Variants in SUGCT observed in about 807,000 individuals in gnomAD.
SUGCT encodes succinyl-CoA:glutarate-CoA transferase.
In SUGCT, 41 loss-of-function variants were observed where a neutral mutation model predicts 55.0. That is an observed-to-expected ratio of 0.74 (90% CI 0.58 to 0.97). The LOEUF is 0.97. SUGCT is among the 50% of genes least tolerant of loss of function. The probability of loss-of-function intolerance (pLI) is 0.00; values close to 1 mark genes in which losing one functional copy is unlikely to be tolerated. For synonymous variants in SUGCT, 187 were observed against 200.4 expected (o/e 0.93, Z 0.56); for missense variants, 568 against 547.8 (o/e 1.04, Z -0.37).
At chr7:41,031,477 A>T in the SUGCT span, among the ~76,000 whole-genome samples, 1 of 152,216 alleles carries the variant, frequency 6.6e-6, no homozygotes, top group Non-Finnish European at 1.5e-5. Flanking sequence ...AGTGGTAAAA[A>T]TAGTCTTTTC....
At chr7:40,377,401 C>A (rs1341800761) in intron 9 of SUGCT, among the ~76,000 whole-genome samples, 2 of 150,960 alleles carry the variant, frequency 1.3e-5, no homozygotes, top group African/African-American at 4.9e-5. Flanking sequence ...AGCCACCACA[C>A]CCAGCTAATT....
At chr7:40,744,189 A>G (rs1787614758) in intron 12 of SUGCT, among the ~76,000 whole-genome samples, 1 of 151,926 alleles carries the variant, frequency 6.6e-6, no homozygotes, top group Admixed American at 6.6e-5. Context: ...CGGCCTCCCA[A>G]AGTGCTGGGA....
chr7:40,265,078 T>C (rs944304129), intron 7 of SUGCT, among the ~76,000 whole-genome samples: 1 of 152,208 alleles, frequency 6.6e-6, no homozygotes, highest in Admixed American at 6.5e-5. Context: ...TAGTAAATGC[T>C]AGAAAAATTT....
chr7:40,892,557 A>C, the SUGCT span, among the ~76,000 whole-genome samples: 1 of 152,146 alleles, frequency 6.6e-6, no homozygotes, highest in African/African-American at 2.4e-5. Flanking sequence ...TTTTAGAGAG[A>C]GGGTCTTGCT....
chr7:40,415,287 A>AT (rs1786936886), intron 9 of SUGCT, among the ~76,000 whole-genome samples: 1 of 149,838 alleles, frequency 6.7e-6, no homozygotes, highest in Non-Finnish European at 1.5e-5. Context: ...AAAAAAAAAA[A>AT]TTTGGCCACA....
chr7:40,842,228 A>G lies in SUGCT; in HGVS notation c.1154-18088A>G, dbSNP rs1441587798. On this transcript the variant is annotated intron_variant, in intron 13 of 13. Transcript: ENST00000335693. ...ACCAAAGAGAAACATGGGAAACAAA[A>G]TAAGTTTATTGTACAATTGTACAAA... Among the ~76,000 whole-genome samples the G allele has an allele frequency of 2.6e-5, 4 of 152,276 alleles. No individual in the cohort carries two copies. The East Asian group carries it at 7.7e-4, about 29-fold the overall frequency.
intron 12 of SUGCT, among the ~76,000 whole-genome samples, chr7:40,505,542 T>C (rs79014294): frequency 0.018 from 2,811 of 152,232 alleles, 90 homozygotes; most frequent in African/African-American, 0.064. Flanking sequence ...TATTGTTTTA[T>C]CTAAGCCTTG....
intron 12 of SUGCT, among the ~76,000 whole-genome samples, chr7:40,545,498 A>G (rs924721330): frequency 2.6e-5 from 4 of 152,198 alleles, no homozygotes; most frequent in Non-Finnish European, 5.9e-5. Context: ...CTTAATGGCT[A>G]ATTCCAAGTT....
the SUGCT span, among the ~76,000 whole-genome samples, chr7:40,889,957 C>T: frequency 6.6e-6 from 1 of 151,972 alleles, no homozygotes; most frequent in African/African-American, 2.4e-5. Flanking sequence ...GTGTTTATTT[C>T]TGCCTTTGTC....
chr7:40,589,448 G>A lies in SUGCT; in HGVS notation c.1089+93062G>A, dbSNP rs374393011. ...AAGATGCTCCCTGCCATTCTAGAGG[G>A]TAGGAATGCCAAGTCCTCACATGGT... On this transcript the variant is annotated intron_variant, in intron 12 of 13. Transcript: ENST00000335693. 2.0e-5 allele frequency among the ~76,000 whole-genome samples: 3 copies of A among 152,228 alleles called. No individual in the cohort carries two copies. The South Asian group carries it at 6.2e-4, about 32-fold the overall frequency.
chr7:40,279,059 A>G (rs1482331018), intron 8 of SUGCT, among the ~76,000 whole-genome samples: 1 of 147,574 alleles, frequency 6.8e-6, no homozygotes, highest in Non-Finnish European at 1.5e-5. Context: ...CTAGTCTTGA[A>G]CTCTTGGCCT....
At position 40,186,910 on chromosome 7, in the gene SUGCT, A is replaced by C. The variant is rs528355634; in HGVS notation, c.227-1585A>C. Among the ~76,000 whole-genome samples, 225 of 152,338 alleles carry C rather than the reference A, an allele frequency of 1.5e-3. 1 individual carries two copies. The highest frequency in any genetic ancestry group is 5.4e-3 in the African/African-American group (223 of 41,580). ...TGTCAAAAGGTCATCTAAGAAAGGC[A>C]GTGTGAATTTTTAAAGATTTCCAGA... On this transcript the variant is annotated intron_variant, in intron 3 of 13. Transcript: ENST00000335693.
intron 9 of SUGCT, among the ~76,000 whole-genome samples, chr7:40,352,142 C>T (rs1030277469): frequency 2.6e-5 from 4 of 151,954 alleles, no homozygotes; most frequent in Admixed American, 6.6e-5. Context: ...GATCTGTCTG[C>T]TTTTTTTCAA....
intron 13 of SUGCT, among the ~76,000 whole-genome samples, chr7:40,849,420 C>T (rs1034878630): frequency 6.6e-6 from 1 of 152,126 alleles, no homozygotes; most frequent in African/African-American, 2.4e-5. Flanking sequence ...TGTAGAAATG[C>T]ATCATTAGGA....
chr7:41,037,841 C>G, the SUGCT span, among the ~76,000 whole-genome samples: 1 of 151,928 alleles, frequency 6.6e-6, no homozygotes, highest in Non-Finnish European at 1.5e-5. Context: ...TTTAGCTTCC[C>G]TGAAGCTCCT....
intron 5 of SUGCT, among the ~76,000 whole-genome samples, chr7:40,191,979 G>A (rs911567972): frequency 3.9e-5 from 6 of 152,028 alleles, no homozygotes; most frequent in East Asian, 1.9e-4. Flanking sequence ...GTGTTGGTGC[G>A]TGCCTGTAGT....
At chr7:40,176,961 C>CAAAAAAA (rs4051102) in intron 1 of SUGCT, among the ~76,000 whole-genome samples, 1 of 100,322 alleles carries the variant, frequency 1.0e-5, no homozygotes, top group Admixed American at 1.0e-4. Context: ...ACTCCGTCTC[C>CAAAAAAA]AAAAAAAAAA....
At chr7:40,372,446 T>C (rs1784340093) in intron 9 of SUGCT, among the ~76,000 whole-genome samples, 1 of 152,278 alleles carries the variant, frequency 6.6e-6, no homozygotes, top group South Asian at 2.1e-4. Flanking sequence ...AATTTGATTT[T>C]TAAAAATTGT....
chr7:40,487,304 A>G (rs1791433930), intron 11 of SUGCT, among the ~76,000 whole-genome samples: 1 of 118,280 alleles, frequency 8.5e-6, no homozygotes, highest in South Asian at 2.6e-4. Flanking sequence ...AAGGGATTTC[A>G]CCATGTTGGC....
Sources: allele counts gnomAD v4.1 joint callset (sites outside exome capture counted in the v4.1 genomes callset), GRCh38; gene constraint gnomAD v4.1.1; transcripts MANE v1.5; gene names NCBI Gene and HGNC (gene_info 2026-07-23, HGNC 2026-07-21).